Variants in SORCS2 observed in about 807,000 individuals in gnomAD.
The protein encoded by SORCS2 is sortilin related VPS10 domain containing receptor 2.
A neutral mutation model predicts 141.6 loss-of-function variants in SORCS2; 100 were observed. The ratio of observed to expected loss-of-function variants is 0.71; its 90% CI spans 0.60 to 0.83. The LOEUF (loss-of-function observed/expected upper bound fraction) is 0.83. Among genes scored for constraint, SORCS2 ranks in the 40% least tolerant of loss-of-function variants. SORCS2 has a pLI of 0.00. For synonymous variants in SORCS2, 789 were observed against 676.9 expected (o/e 1.17, Z -2.57); for missense variants, 1,646 against 1,560.2 (o/e 1.05, Z -0.93).
chr4:7,621,341 T>A (rs1719159756), intron 3 of SORCS2, among the ~76,000 whole-genome samples: 1 of 152,094 alleles, frequency 6.6e-6, no homozygotes, highest in Non-Finnish European at 1.5e-5. Context: ...TGAGTGTTTA[T>A]GTGTGTGTCT....
intron 1 of SORCS2, among the ~76,000 whole-genome samples, chr4:7,222,644 G>A (rs1728779135): frequency 6.6e-6 from 1 of 152,202 alleles, no homozygotes; most frequent in African/African-American, 2.4e-5. Context: ...CAAGAGAAGG[G>A]TAGTGCGGCC....
intron 3 of SORCS2, among the ~76,000 whole-genome samples, chr4:7,590,890 A>G (rs1250047756): frequency 6.6e-6 from 1 of 152,252 alleles, no homozygotes; most frequent in East Asian, 1.9e-4. Flanking sequence ...CAGAAACCAT[A>G]GATAGCTACA....
At chr4:7,599,889 T>C (rs769241013) in intron 3 of SORCS2, among the ~76,000 whole-genome samples, 2 of 151,592 alleles carry the variant, frequency 1.3e-5, no homozygotes, top group African/African-American at 4.9e-5. Context: ...AGTAGCATGA[T>C]ATCAGCTCAC....
rs139959182 is a variant in SORCS2, at chr4:7,423,725, C to T, written c.548+27370C>T. 1.3e-3 allele frequency among the ~76,000 whole-genome samples: 192 copies of T among 152,282 alleles called. 2 individuals are homozygous for T. In the East Asian group the frequency reaches 0.025, roughly 20 times the overall value. On this transcript the variant is annotated intron_variant, in intron 2 of 26. Transcript: ENST00000507866. ...GCTCAGGGAGACCCAGGCTGCCCCA[C>T]GGTGAGCTCTGGGGTGGATGACTTT...
intron 1 of SORCS2, among the ~76,000 whole-genome samples, chr4:7,354,219 A>G (rs1210599535): frequency 6.6e-6 from 1 of 152,170 alleles, no homozygotes; most frequent in Admixed American, 6.5e-5. Context: ...GGGAAAGGCC[A>G]GGGCAGTAGA....
At chr4:7,469,625 T>C (rs1232063752) in intron 2 of SORCS2, among the ~76,000 whole-genome samples, 3 of 152,162 alleles carry the variant, frequency 2.0e-5, no homozygotes, top group Non-Finnish European at 4.4e-5. Context: ...TCCCCAGTCC[T>C]AGCTGCACAT....
intron 1 of SORCS2, among the ~76,000 whole-genome samples, chr4:7,294,670 TCCTCC>T (rs1560170159): frequency 2.7e-5 from 1 of 37,670 alleles, no homozygotes; most frequent in Non-Finnish European, 5.3e-5. Flanking sequence ...TTCCTCTCCC[TCCTCC>T]TCCTCCTCCT....
At chr4:7,376,805 A>G (rs1356726554) in intron 1 of SORCS2, among the ~76,000 whole-genome samples, 1 of 151,966 alleles carries the variant, frequency 6.6e-6, no homozygotes. Flanking sequence ...TTTGCTGCTC[A>G]TATAGTGTCT....
At chr4:7,548,213 AAG>A (rs1461751010) in intron 3 of SORCS2, among the ~76,000 whole-genome samples, 2 of 152,200 alleles carry the variant, frequency 1.3e-5, no homozygotes, top group African/African-American at 4.8e-5. Flanking sequence ...ATCGCCAGCA[AAG>A]AGGAATGCTC....
chr4:7,543,536 T>C (rs199621197), intron 3 of SORCS2, among the ~76,000 whole-genome samples: 75 of 69,664 alleles, frequency 1.1e-3, no homozygotes, highest in African/African-American at 1.6e-3. Context: ...TCCATCCACT[T>C]ATCCATCCGT....
intron 3 of SORCS2, among the ~76,000 whole-genome samples, chr4:7,577,988 T>G (rs9291135): frequency 0.96 from 143,178 of 149,838 alleles, 68,631 homozygotes; most frequent in Non-Finnish European, 1. Flanking sequence ...GTTTGGAGAT[T>G]ATTTGTCCCT....
intron 2 of SORCS2, among the ~76,000 whole-genome samples, chr4:7,447,519 A>G (rs1041765412): frequency 3.9e-5 from 6 of 152,216 alleles, no homozygotes; most frequent in Admixed American, 3.9e-4. Flanking sequence ...GTGCACTTGG[A>G]TCATAGTAGA....
At chr4:7,419,174 A>T (rs1176781312) in intron 2 of SORCS2, among the ~76,000 whole-genome samples, 1 of 152,170 alleles carries the variant, frequency 6.6e-6, no homozygotes, top group African/African-American at 2.4e-5. Flanking sequence ...AATTGCAGCC[A>T]TTTTTTTCAA....
chr4:7,341,727 G>T (rs1157633441), intron 1 of SORCS2, among the ~76,000 whole-genome samples: 2 of 152,134 alleles, frequency 1.3e-5, no homozygotes, highest in Non-Finnish European at 2.9e-5. Context: ...GCATACAATC[G>T]ATCATTTTGA....
chr4:7,590,040 C>T (rs771999016), intron 3 of SORCS2, among the ~76,000 whole-genome samples: 8 of 151,986 alleles, frequency 5.3e-5, no homozygotes, highest in Non-Finnish European at 7.4e-5. Flanking sequence ...AAAAGACAGC[C>T]GAGAAGGGGA....
chr4:7,672,030 A>C (rs1722831255), intron 8 of SORCS2, among the ~76,000 whole-genome samples: 1 of 145,298 alleles, frequency 6.9e-6, no homozygotes, highest in Non-Finnish European at 1.5e-5. Flanking sequence ...TGCAACCTCC[A>C]CCTCCTGGGT....
intron 4 of SORCS2, among the ~76,000 whole-genome samples, chr4:7,651,626 T>C (rs1171230945): frequency 6.6e-6 from 1 of 152,222 alleles, no homozygotes; most frequent in Non-Finnish European, 1.5e-5. Flanking sequence ...TGGAGGAAGT[T>C]ACATGCAGGG....
At chr4:7,320,432 G>T (rs1718825887) in intron 1 of SORCS2, among the ~76,000 whole-genome samples, 1 of 152,228 alleles carries the variant, frequency 6.6e-6, no homozygotes, top group East Asian at 1.9e-4. Context: ...ACATAGAAGA[G>T]GCCAGGTTTT....
chr4:7,426,709 A>G (rs189722670), intron 2 of SORCS2, among the ~76,000 whole-genome samples: 6 of 152,182 alleles, frequency 3.9e-5, no homozygotes, highest in African/African-American at 1.4e-4. Flanking sequence ...AAGAGAGGGT[A>G]CCTTTACCCT....
Sources: allele counts gnomAD v4.1 joint callset (sites outside exome capture counted in the v4.1 genomes callset), GRCh38; gene constraint gnomAD v4.1.1; transcripts MANE v1.5; gene names NCBI Gene and HGNC (gene_info 2026-07-23, HGNC 2026-07-21).